Variants in NRG3 observed in about 807,000 individuals in gnomAD.
The protein encoded by NRG3 is neuregulin 3, also known as pro-neuregulin-3, membrane-bound isoform.
Under a neutral mutation model 66.9 loss-of-function variants are expected in NRG3, and 31 were observed. That is an observed-to-expected ratio of 0.46 (90% CI 0.35 to 0.63). NRG3 has a LOEUF of 0.63. NRG3 is among the 20% of genes least tolerant of loss of function. The pLI is 0.00. For missense variants in NRG3, 910 were observed against 878.9 expected (o/e 1.04, Z -0.45); for synonymous variants, 393 against 359.4 (o/e 1.09, Z -1.06).
At chr10:82,097,979 A>T (rs951687499) in intron 1 of NRG3, among the ~76,000 whole-genome samples, 1 of 151,630 alleles carries the variant, frequency 6.6e-6, no homozygotes, top group African/African-American at 2.4e-5. Context: ...GAAAGTAGTT[A>T]TTGTTAAGTC....
At chr10:81,933,377 A>G (rs1847572221) in intron 1 of NRG3, among the ~76,000 whole-genome samples, 1 of 152,160 alleles carries the variant, frequency 6.6e-6, no homozygotes, top group Non-Finnish European at 1.5e-5. Context: ...TTAAGGAGAT[A>G]TGTTCATTAA....
At chr10:82,012,175 T>G (rs1003259933) in intron 1 of NRG3, among the ~76,000 whole-genome samples, 1 of 152,226 alleles carries the variant, frequency 6.6e-6, no homozygotes, top group African/African-American at 2.4e-5. Flanking sequence ...TTTACTTCTG[T>G]GTACCCACAT....
At chr10:82,610,842 T>C (rs1242215190) in intron 2 of NRG3, among the ~76,000 whole-genome samples, 1 of 152,216 alleles carries the variant, frequency 6.6e-6, no homozygotes, top group African/African-American at 2.4e-5. Flanking sequence ...TGCTTTACTC[T>C]AAACTGAGAT....
intron 2 of NRG3, among the ~76,000 whole-genome samples, chr10:82,713,119 C>CAAAAAAAA (rs369968319): frequency 3.6e-5 from 2 of 55,362 alleles, no homozygotes; most frequent in African/African-American, 7.5e-5. Context: ...GACTTCATCT[C>CAAAAAAAA]AAAAAAAAAA....
At chr10:82,984,082 A>G (rs1388097572) in intron 8 of NRG3, among the ~76,000 whole-genome samples, 1 of 152,250 alleles carries the variant, frequency 6.6e-6, no homozygotes, top group African/African-American at 2.4e-5. Context: ...GAAGGTTGAT[A>G]TGTTTAAATT....
intron 2 of NRG3, among the ~76,000 whole-genome samples, chr10:82,711,638 G>T (rs1241267647): frequency 6.6e-6 from 1 of 151,438 alleles, no homozygotes; most frequent in Non-Finnish European, 1.5e-5. Flanking sequence ...TTGTGTATGG[G>T]TTTTCCTTTC....
chr10:82,707,405 G>T (rs1198308931), intron 2 of NRG3, among the ~76,000 whole-genome samples: 3 of 151,706 alleles, frequency 2.0e-5, no homozygotes, highest in Admixed American at 6.6e-5. Context: ...CTCTTTCCCA[G>T]GCTGGAGTGT....
At chr10:82,544,715 G>A (rs1021338528) in intron 2 of NRG3, among the ~76,000 whole-genome samples, 21 of 152,064 alleles carry the variant, frequency 1.4e-4, no homozygotes, top group African/African-American at 2.4e-4. Context: ...CATACTTAGC[G>A]CACCTAGGAG....
intron 1 of NRG3, among the ~76,000 whole-genome samples, chr10:82,205,613 A>C (rs1239949275): frequency 6.6e-6 from 1 of 152,146 alleles, no homozygotes; most frequent in Non-Finnish European, 1.5e-5. Context: ...ACATGTGGAA[A>C]AGAGCTCTGG....
chr10:81,956,988 A>G (rs1167884852), intron 1 of NRG3, among the ~76,000 whole-genome samples: 3 of 152,216 alleles, frequency 2.0e-5, no homozygotes, highest in Admixed American at 6.5e-5. Context: ...CCTGTCTTCC[A>G]TAGCTGTGGG....
chr10:82,011,605 G>A (rs1428038929), intron 1 of NRG3, among the ~76,000 whole-genome samples: 2 of 152,140 alleles, frequency 1.3e-5, no homozygotes, highest in Non-Finnish European at 2.9e-5. Flanking sequence ...AAAATCAAAA[G>A]CAAGTTAGTT....
chr10:82,910,150 G>T (rs758300985), intron 4 of NRG3, among the ~76,000 whole-genome samples: 3 of 152,228 alleles, frequency 2.0e-5, no homozygotes, highest in Non-Finnish European at 4.4e-5. Context: ...GATTCAACAC[G>T]CTGGCTGCAG....
chr10:82,030,194 A>T lies in NRG3; in HGVS notation c.823+154031A>T, dbSNP rs185110952. Among the ~76,000 whole-genome samples the T allele has an allele frequency of 2.3e-3, 354 of 152,210 alleles. 1 individual carries two copies. The highest frequency in any genetic ancestry group is 3.6e-3 in the Admixed American group (55 of 15,286). The stretch of plus-strand genomic sequence containing the variant: ...TGACACCTTTGGGAGGGCAGCCAAA[A>T]ATGTCCCATAGAGAAATATCAGGAG... On this transcript the variant is annotated intron_variant, in intron 1 of 8. Transcript: ENST00000372141.
At chr10:82,856,083 G>A (rs940968481) in intron 3 of NRG3, among the ~76,000 whole-genome samples, 22 of 152,120 alleles carry the variant, frequency 1.4e-4, no homozygotes, top group Non-Finnish European at 3.1e-4. Flanking sequence ...TATTGAATGA[G>A]TTGCCACCAG....
chr10:82,321,819 T>C (rs2081594276), intron 1 of NRG3, among the ~76,000 whole-genome samples: 1 of 152,196 alleles, frequency 6.6e-6, no homozygotes, highest in African/African-American at 2.4e-5. Flanking sequence ...ATAGAACCTT[T>C]TTCTCCCTCT....
intron 2 of NRG3, among the ~76,000 whole-genome samples, chr10:82,365,946 A>T (rs559450694): frequency 6.6e-6 from 1 of 152,294 alleles, no homozygotes; most frequent in South Asian, 2.1e-4. Context: ...TAAGGAGGTC[A>T]TTATGACTTG....
chr10:82,928,310 T>C (rs1268159610), intron 4 of NRG3, among the ~76,000 whole-genome samples: 4 of 152,206 alleles, frequency 2.6e-5, no homozygotes, highest in African/African-American at 9.6e-5. Context: ...CTGATGATAG[T>C]TTATTTTGCT....
intron 2 of NRG3, among the ~76,000 whole-genome samples, chr10:82,674,993 T>C (rs2053572016): frequency 6.6e-6 from 1 of 150,936 alleles, no homozygotes; most frequent in African/African-American, 2.5e-5. Flanking sequence ...GGAACCTCAC[T>C]GTGTCGCCCA....
rs2084771160 is a variant in NRG3 at position 82,369,858 on chromosome 10, G to A, written c.953+10990G>A. ...AGCTGTGAGTTTCCTGAGTCACTCA[G>A]TGCTAGCAGGCTTTGGATGATAATG... On this transcript the variant is annotated intron_variant, in intron 2 of 8. Transcript: ENST00000372141. Among the ~76,000 whole-genome samples, 2 of 138,372 alleles carry A rather than the reference G, an allele frequency of 1.4e-5. 1 individual carries two copies. Among genetic ancestry groups the A allele is most frequent in the South Asian group, 4.3e-4 (2 of 4,668 alleles). 90.8% of individuals were successfully genotyped at this position (138,372 alleles called of 152,430 possible).
Sources: gnomAD v4.1 joint callset for allele counts (sites outside exome capture counted in the v4.1 genomes callset) on GRCh38, gnomAD v4.1.1 for gene constraint, MANE v1.5 for transcripts, NCBI Gene and HGNC (gene_info 2026-07-23, HGNC 2026-07-21) for gene names.